Variants in SCFD2 observed in about 807,000 individuals in gnomAD.
The protein encoded by SCFD2 is sec1 family domain containing 2.
In SCFD2, 54 loss-of-function variants were observed where a neutral mutation model predicts 58.9. The ratio of observed to expected loss-of-function variants is 0.92; its 90% CI spans 0.74 to 1.15. The LOEUF (loss-of-function observed/expected upper bound fraction) is 1.15. Among genes scored for constraint, SCFD2 ranks in the 50% most tolerant of loss-of-function variants. SCFD2 has a pLI of 0.00. For synonymous variants in SCFD2, 321 were observed against 335.9 expected, an observed-to-expected ratio of 0.96 and a Z score of 0.49; for missense variants, 805 against 836.6, an observed-to-expected ratio of 0.96 and a Z score of 0.47.
chr4:53,276,499 C>T (rs1386313625), intron 3 of SCFD2, among the ~76,000 whole-genome samples: 2 of 151,752 alleles, frequency 1.3e-5, no homozygotes, highest in African/African-American at 4.8e-5. Flanking sequence ...GGTACATGTA[C>T]TGGTTTGTTA....
chr4:53,129,379 GC>G (rs1404908842), intron 5 of SCFD2, among the ~76,000 whole-genome samples: 1 of 152,144 alleles, frequency 6.6e-6, no homozygotes, highest in Non-Finnish European at 1.5e-5. Context: ...ACACATGAAG[GC>G]CTAAAAAGTC....
chr4:52,947,485 T>C (rs1471668917), intron 5 of SCFD2, among the ~76,000 whole-genome samples: 2 of 152,220 alleles, frequency 1.3e-5, no homozygotes, highest in African/African-American at 2.4e-5. Flanking sequence ...CGAGAGCATA[T>C]GGTTAAGAAT....
intron 5 of SCFD2, among the ~76,000 whole-genome samples, chr4:53,119,557 T>A (rs1440820546): frequency 1.3e-5 from 2 of 152,112 alleles, no homozygotes; most frequent in African/African-American, 4.8e-5. Context: ...GAGATGGTAA[T>A]AAAGCCAGCT....
chr4:53,303,666 G>A (rs865782381), intron 3 of SCFD2, among the ~76,000 whole-genome samples: 8 of 151,954 alleles, frequency 5.3e-5, no homozygotes, highest in South Asian at 2.1e-4. Context: ...TGTTTATTGT[G>A]GCATTATTCA....
chr4:53,235,490 C>T (rs2149013265), intron 4 of SCFD2, among the ~76,000 whole-genome samples: 2 of 152,178 alleles, frequency 1.3e-5, no homozygotes, highest in African/African-American at 4.8e-5. Flanking sequence ...AATAAAGTAC[C>T]CAAGGTCTCT....
intron 5 of SCFD2, among the ~76,000 whole-genome samples, chr4:53,062,126 A>G (rs148721509): frequency 0.024 from 3,679 of 151,788 alleles, 68 homozygotes; most frequent in Middle Eastern, 0.048. Context: ...AATCCCAGCA[A>G]TTTGGGAGCC....
chr4:52,934,299 C>T (rs771759456), intron 5 of SCFD2, among the ~76,000 whole-genome samples: 19 of 152,160 alleles, frequency 1.2e-4, no homozygotes, highest in Non-Finnish European at 2.2e-4. Flanking sequence ...TGTTGCCCCC[C>T]AAGTTGCCAC....
intron 3 of SCFD2, among the ~76,000 whole-genome samples, chr4:53,303,970 G>A (rs908615477): frequency 8.6e-6 from 1 of 115,802 alleles, no homozygotes; most frequent in African/African-American, 3.5e-5. Context: ...GGGGAGGGGG[G>A]AGGGATAGCA....
chr4:53,039,666 T>C (rs1722848450), intron 5 of SCFD2, among the ~76,000 whole-genome samples: 2 of 152,176 alleles, frequency 1.3e-5, no homozygotes, highest in Admixed American at 6.6e-5. Context: ...AGCCTTAGTA[T>C]AGCTACCAGG....
chr4:53,252,591 A>T (rs927470789), intron 4 of SCFD2, among the ~76,000 whole-genome samples: 1 of 151,500 alleles, frequency 6.6e-6, no homozygotes, highest in African/African-American at 2.4e-5. Context: ...CATATCTACA[A>T]CTGTCTGATC....
chr4:53,315,371 A>T lies in SCFD2; in HGVS notation c.1008-1608T>A, dbSNP rs1732830272. Among the ~76,000 whole-genome samples, 7 of 152,206 alleles carry T rather than the reference A, an allele frequency of 4.6e-5. No homozygotes were observed. The South Asian group carries it at 1.5e-3, about 32-fold the overall frequency. On this transcript the variant is annotated intron_variant, in intron 2 of 8. Transcript: ENST00000401642. ...ACCCTGAGGAGCACTGTTCTGTTGC[A>T]TGCCAAGGTGCACGGGGAGGGGCAG...
chr4:53,145,306 T>C, intron 5 of SCFD2, 27 bp downstream of exon 5: 1 of 1,611,428 alleles, frequency 6.2e-7, no homozygotes. Context: ...GTGATGTTTG[T>C]GTCCTGTATC....
intron 5 of SCFD2, among the ~76,000 whole-genome samples, chr4:53,030,839 C>T (rs368688225): frequency 6.6e-6 from 1 of 152,192 alleles, no homozygotes; most frequent in East Asian, 1.9e-4. Context: ...CCAATACATG[C>T]ATATTTATAA....
chr4:52,949,443 C>G (rs979939203), intron 5 of SCFD2: 2 of 152,216 alleles, frequency 1.3e-5, no homozygotes, highest in Non-Finnish European at 2.9e-5. Context: ...TTTGTAGCTT[C>G]AGCTGTTTCT....
chr4:52,897,977 T>C (rs1226101764), intron 7 of SCFD2, among the ~76,000 whole-genome samples: 1 of 152,232 alleles, frequency 6.6e-6, no homozygotes, highest in Admixed American at 6.5e-5. Flanking sequence ...TGGTAGTTTG[T>C]ATTTCTGTGG....
At chr4:53,049,875 T>C (rs1318835176) in intron 5 of SCFD2, among the ~76,000 whole-genome samples, 4 of 152,184 alleles carry the variant, frequency 2.6e-5, no homozygotes, top group Non-Finnish European at 5.9e-5. Flanking sequence ...TTTGTTTTAT[T>C]TGAGGTCATT....
At chr4:52,912,374 GA>G (rs989604810) in intron 6 of SCFD2, among the ~76,000 whole-genome samples, 1 of 151,984 alleles carries the variant, frequency 6.6e-6, no homozygotes, top group African/African-American at 2.4e-5. Flanking sequence ...TAGAAAGGCA[GA>G]AAAAAATTAC....
chr4:53,352,505 T>C (rs1481816), intron 2 of SCFD2, 93 bp downstream of exon 2: 74,712 of 1,053,280 alleles, frequency 0.071, 6,065 homozygotes, highest in African/African-American at 0.28. Context: ...AGACCAATTC[T>C]TCATTGCTTT....
chr4:52,974,707 G>A (rs1281028454), intron 5 of SCFD2, among the ~76,000 whole-genome samples: 3 of 151,846 alleles, frequency 2.0e-5, no homozygotes, highest in South Asian at 2.1e-4. Flanking sequence ...AGCCTGCATT[G>A]CCAAGTCAAC....
Sources: allele counts gnomAD v4.1 joint callset (sites outside exome capture counted in the v4.1 genomes callset), GRCh38; gene constraint gnomAD v4.1.1; transcripts MANE v1.5; gene names NCBI Gene and HGNC (gene_info 2026-07-23, HGNC 2026-07-21).